The following DLC1 variants were observed in gnomAD, a reference collection of about 807,000 sequenced individuals.
DLC1 encodes rho GTPase-activating protein 7.
A neutral mutation model predicts 140.3 loss-of-function variants in DLC1; 54 were observed. The ratio of observed to expected loss-of-function variants is 0.38; its 90% CI spans 0.31 to 0.48. The LOEUF is 0.48. Among genes scored for constraint, DLC1 ranks in the 20% least tolerant of loss-of-function variants. The pLI is 0.96. For missense variants in DLC1, 2,536 were observed against 1,907.0 expected, an observed-to-expected ratio of 1.33 and a Z score of -6.14; for synonymous variants, 986 against 728.1, an observed-to-expected ratio of 1.35 and a Z score of -5.70.
rs138865177 is a variant in DLC1 at position 13,476,413 on chromosome 8, A to G, written c.1023+22636T>C. Reference sequence around the variant, plus strand: ...ATTTTCTTATGCCCTTAAGAAGTTTAAAGTTTGAAGAGGAGATGAGACATA... The same window carrying G: ...ATTTTCTTATGCCCTTAAGAAGTTTGAAGTTTGAAGAGGAGATGAGACATA... On this transcript the variant is annotated intron_variant, in intron 2 of 17. Transcript: ENST00000276297. Among the ~76,000 whole-genome samples the G allele has an allele frequency of 4.3e-3, 650 of 152,300 alleles. 5 individuals are homozygous for G. Among genetic ancestry groups the G allele is most frequent in the Middle Eastern group, 0.024 (7 of 294 alleles).
At chr8:13,122,083 C>A (rs1821129810) in intron 5 of DLC1, among the ~76,000 whole-genome samples, 1 of 152,194 alleles carries the variant, frequency 6.6e-6, no homozygotes, top group Non-Finnish European at 1.5e-5. Flanking sequence ...CTCACCCCTC[C>A]CTGCCCCCAA....
chr8:13,220,648 T>C lies in DLC1; in HGVS notation c.1348+84621A>G, dbSNP rs188587157. On this transcript the variant is annotated intron_variant, in intron 5 of 17. Transcript: ENST00000276297. ...ACTCACAGCTCAATTTTTATGGCAT[T>C]TGTTTTACAAATACTGCGTTACTGT... is the stretch of plus-strand genomic sequence containing the variant. Among the ~76,000 whole-genome samples the C allele has an allele frequency of 5.1e-3, 782 of 152,286 alleles. 6 individuals are homozygous for C. Among genetic ancestry groups the C allele is most frequent in the African/African-American group, 0.018 (754 of 41,542 alleles).
At chr8:13,104,237 T>C (rs1030409005) in intron 7 of DLC1, among the ~76,000 whole-genome samples, 7 of 152,150 alleles carry the variant, frequency 4.6e-5, no homozygotes, top group African/African-American at 1.7e-4. Context: ...GGTAAGACTC[T>C]TTTTGCAACA....
At chr8:13,336,896 CATT>C (rs1833832490) in intron 4 of DLC1, among the ~76,000 whole-genome samples, 1 of 39,096 alleles carries the variant, frequency 2.6e-5, no homozygotes, top group Non-Finnish European at 7.1e-5. Context: ...TCAAATTTGT[CATT>C]TTTTTCCTAA....
In DLC1 at chr8:13,325,218, T is replaced by C. The variant is rs80111829; in HGVS notation, c.1315-19916A>G. ...GTAGGCTGTTTGCTAGTATGGTTTA[T>C]TCAGAGCTCTGGAGGCCTGGAAAGG... On this transcript the variant is annotated intron_variant, in intron 4 of 17. Coordinates refer to ENST00000276297, the MANE Select transcript of DLC1 (RefSeq NM_182643.3). Among the ~76,000 whole-genome samples, 811 of 152,304 alleles carry C rather than the reference T, an allele frequency of 5.3e-3. 10 individuals are homozygous for C. Among genetic ancestry groups the C allele is most frequent in the African/African-American group, 0.019 (777 of 41,550 alleles).
At chr8:13,195,118 T>C (rs1826974277) in intron 5 of DLC1, among the ~76,000 whole-genome samples, 2 of 152,238 alleles carry the variant, frequency 1.3e-5, no homozygotes, top group African/African-American at 4.8e-5. Flanking sequence ...GATTTGGCTA[T>C]TTCTCATTTA....
chr8:13,547,953 A>G (rs867580875), intron 1 of DLC1, among the ~76,000 whole-genome samples: 1 of 152,024 alleles, frequency 6.6e-6, no homozygotes, highest in Non-Finnish European at 1.5e-5. Flanking sequence ...GTTCAAGTTT[A>G]ACACCTTTAA....
chr8:13,094,722 C>A, intron 12 of DLC1, 37 bp downstream of exon 12: 1 of 1,610,218 alleles, frequency 6.2e-7, no homozygotes, highest in Non-Finnish European at 8.5e-7. Context: ...CCCATTTTTC[C>A]CCAATGCCAA....
Position 13,115,610 on chromosome 8 carries a change from G to A in DLC1, c.1396C>T (p.Pro466Ser), listed in dbSNP as rs753730067. 3.1e-6 allele frequency: 5 copies of A among 1,613,960 alleles called. No homozygotes were observed. Among genetic ancestry groups the A allele is most frequent in the Non-Finnish European group, 4.2e-6 (5 of 1,179,940 alleles). ...ACDWLRATGFPQYAQLYEDFL... is the reference protein window; with the variant it reads ...ACDWLRATGFSQYAQLYEDFL... Reference sequence around the variant, plus strand: ...CCTTCATAAAGCTGTGCATACTGGGGGAAACCAGTTGCCCGTAGCCAATCA... The same window carrying A: ...CCTTCATAAAGCTGTGCATACTGGGAGAAACCAGTTGCCCGTAGCCAATCA... The change falls in exon 6 of 18, where the codon CCC (proline) becomes TCC (serine). Residue 466 changes from proline (P) to serine (S), a missense_variant. Physicochemically the swap from Pro to Ser is moderately conservative, Grantham distance 74. Coordinates refer to ENST00000276297, the MANE Select transcript of DLC1 (RefSeq NM_182643.3).
At chr8:13,504,908 G>T (rs1004079448) in intron 1 of DLC1, among the ~76,000 whole-genome samples, 1 of 152,096 alleles carries the variant, frequency 6.6e-6, no homozygotes, top group Non-Finnish European at 1.5e-5. Context: ...GAATTTTCAG[G>T]ATAAAAGTTG....
intron 1 of DLC1, among the ~76,000 whole-genome samples, chr8:13,507,260 A>C (rs1234501504): frequency 1.3e-5 from 2 of 152,210 alleles, no homozygotes; most frequent in African/African-American, 4.8e-5. Flanking sequence ...CTTTACGACC[A>C]AACTGACTTG....
In DLC1 at chr8:13,579,339, A is replaced by ATTTT. The variant is rs1563453881; in HGVS notation, c.-126+25197_-126+25198insAAAA. On this transcript the variant is annotated intron_variant, in intron 1 of 1. Coordinates refer to the DLC1 transcript ENST00000631382. ...TTTATATATATATATATATATATATATATATATATATATATATATATATTT... is the reference window on the plus strand; with the variant it reads ...TTTATATATATATATATATATATATATTTTTATATATATATATATATATATATTT... 3.2e-4 allele frequency among the ~76,000 whole-genome samples: 16 copies of ATTTT among 50,654 alleles called. 1 individual carries two copies. Among genetic ancestry groups the ATTTT allele is most frequent in the African/African-American group, 9.4e-4 (8 of 8,482 alleles). 33.2% of individuals were successfully genotyped at this position (50,654 alleles called of 152,430 possible).
chr8:13,467,314 C>A (rs1318100562), intron 2 of DLC1, among the ~76,000 whole-genome samples: 1 of 152,154 alleles, frequency 6.6e-6, no homozygotes, highest in African/African-American at 2.4e-5. Context: ...TGAAGAGAGA[C>A]AATGATAGTA....
At position 13,437,580 on chromosome 8, in the gene DLC1, G is replaced by T. The variant is rs187573421; in HGVS notation, c.1024-35961C>A. ...TCAGCACACATGACCTCATTTAATG[G>T]CTATGCCTGAGGCTATGAAGGTCGG... On this transcript the variant is annotated intron_variant, in intron 2 of 17. Transcript: ENST00000276297. Among the ~76,000 whole-genome samples the T allele has an allele frequency of 2.5e-4, 38 of 152,232 alleles. 1 individual carries two copies. The highest frequency in any genetic ancestry group is 7.9e-4 in the Admixed American group (12 of 15,284).
intron 5 of DLC1, among the ~76,000 whole-genome samples, chr8:13,248,604 G>A (rs28412150): frequency 0.036 from 5,422 of 152,164 alleles, 326 homozygotes; most frequent in African/African-American, 0.13. Flanking sequence ...CCCCCCACAT[G>A]GTGTAACCCT....
At chr8:13,367,139 A>C (rs1445191458) in intron 4 of DLC1, among the ~76,000 whole-genome samples, 1 of 151,668 alleles carries the variant, frequency 6.6e-6, no homozygotes, top group African/African-American at 2.4e-5. Flanking sequence ...AAAATCCTTT[A>C]CTCTTTTCTA....
chr8:13,570,163 C>T (rs948919787), intron 1 of DLC1, among the ~76,000 whole-genome samples: 4 of 152,196 alleles, frequency 2.6e-5, no homozygotes, highest in African/African-American at 9.6e-5. Context: ...TCTTTAACAT[C>T]TGGCCCAACT....
chr8:13,146,464 T>A (rs1404209329), intron 5 of DLC1, among the ~76,000 whole-genome samples: 1 of 151,982 alleles, frequency 6.6e-6, no homozygotes, highest in East Asian at 1.9e-4. Flanking sequence ...ATATCTAAAT[T>A]TGTAAGTTAT....
chr8:13,393,807 T>C (rs1469054248), intron 3 of DLC1, 114 bp from the exon 4 acceptor site: 6 of 1,256,204 alleles, frequency 4.8e-6, no homozygotes, highest in Non-Finnish European at 6.6e-6. Context: ...ACTGATACAC[T>C]AAAGAGTTGC....
Sources: allele counts gnomAD v4.1 joint callset (sites outside exome capture counted in the v4.1 genomes callset), GRCh38; gene constraint gnomAD v4.1.1; transcripts MANE v1.5; gene names NCBI Gene and HGNC (gene_info 2026-07-23, HGNC 2026-07-21).